MOXD1: variants seen among roughly 807,000 people sequenced by gnomAD.
MOXD1 encodes DBH-like monooxygenase protein 1.
MOXD1 carries 62 observed loss-of-function variants against 66.6 expected under a neutral mutation model. The ratio of observed to expected loss-of-function variants is 0.93; its 90% CI spans 0.76 to 1.15. MOXD1 has a LOEUF of 1.15. Ranked by LOEUF, MOXD1 falls within the 50% of genes most tolerant of loss-of-function variation. The pLI is 0.00. For missense variants in MOXD1, 847 were observed against 754.6 expected, an observed-to-expected ratio of 1.12 and a Z score of -1.44; for synonymous variants, 303 against 281.9, an observed-to-expected ratio of 1.07 and a Z score of -0.75.
chr6:132,359,133 T>G (rs1775963518), intron 4 of MOXD1, among the ~76,000 whole-genome samples: 1 of 146,514 alleles, frequency 6.8e-6, no homozygotes, highest in Non-Finnish European at 1.5e-5. Flanking sequence ...TTTTTTTTTT[T>G]TTCTGAGGCA....
rs931901575 is a variant in MOXD1, at chr6:132,397,644, A to G, written c.264+3519T>C. 5.1e-4 allele frequency among the ~76,000 whole-genome samples: 34 copies of G among 66,202 alleles called. No homozygotes were observed. In the Admixed American group the frequency reaches 6.1e-3, roughly 12 times the overall value. 43.4% of individuals were successfully genotyped at this position (66,202 alleles called of 152,430 possible). ...AGAGAGAGAGAGAGAGACAGAAAGA[A>G]AGAAAGAAAGAAAGAAAGAAAGAAA... is the stretch of plus-strand genomic sequence containing the variant. On this transcript the variant is annotated intron_variant, in intron 1 of 11. Coordinates refer to ENST00000367963, the MANE Select transcript of MOXD1 (RefSeq NM_015529.4).
chr6:132,324,974 CACACACACACACAT>C (rs1286752507), intron 6 of MOXD1: 1 of 147,864 alleles, frequency 6.8e-6, no homozygotes, highest in African/African-American at 2.6e-5. Flanking sequence ...CACACACACA[CACACACACACACAT>C]ACTTAGAAGA....
chr6:132,333,371 T>C (rs1397874795), intron 4 of MOXD1, among the ~76,000 whole-genome samples: 1 of 92,722 alleles, frequency 1.1e-5, no homozygotes, highest in Admixed American at 1.0e-4. Flanking sequence ...GACCCTGTAA[T>C]GTATCAGAGT....
In MOXD1 at chr6:132,372,608, C is replaced by A; in HGVS notation, c.663G>T (p.Lys221Asn). ...TTTAGCCTATGAATGAGTCACATAC[C>A]TTTATTACATGATGCTTTTCTTGGA... ...PVFQEKHHVI[K>N]VEPVIQRGHE... is the part of the protein sequence containing the mutation. The change falls in exon 4 of 12, where the codon AAG (lysine) becomes AAT (asparagine). Residue 221 changes from lysine to asparagine, a missense_variant and splice_region_variant. Transcript: ENST00000367963. 6.2e-7 allele frequency: 1 copy of A among 1,609,704 alleles called. No homozygotes were observed. Among genetic ancestry groups the A allele is most frequent in the Non-Finnish European group, 8.5e-7 (1 of 1,176,160 alleles).
intron 4 of MOXD1, among the ~76,000 whole-genome samples, chr6:132,365,267 A>G (rs896191818): frequency 2.6e-5 from 4 of 152,164 alleles, no homozygotes; most frequent in African/African-American, 4.8e-5. Flanking sequence ...GGCATGCTCT[A>G]GAAAGGACTA....
At chr6:132,369,851 T>C (rs1776229326) in intron 4 of MOXD1, among the ~76,000 whole-genome samples, 1 of 152,118 alleles carries the variant, frequency 6.6e-6, no homozygotes, top group African/African-American at 2.4e-5. Context: ...GAATCTTCCA[T>C]TTAATATTTT....
At chr6:132,313,688 T>C (rs1318805980) in intron 10 of MOXD1, among the ~76,000 whole-genome samples, 1 of 151,744 alleles carries the variant, frequency 6.6e-6, no homozygotes, top group East Asian at 1.9e-4. Flanking sequence ...CCGAGGCGGG[T>C]GGATCACCTG....
At chr6:132,299,498 C>A (rs1457803533) in intron 10 of MOXD1, among the ~76,000 whole-genome samples, 1 of 152,018 alleles carries the variant, frequency 6.6e-6, no homozygotes, top group Admixed American at 6.6e-5. Context: ...CCTTCACCTG[C>A]CACTCCAAAA....
intron 4 of MOXD1, among the ~76,000 whole-genome samples, chr6:132,370,954 C>G (rs1776251889): frequency 6.6e-6 from 1 of 152,060 alleles, no homozygotes; most frequent in African/African-American, 2.4e-5. Flanking sequence ...ACACTGACCT[C>G]CCTGAAACAT....
intron 4 of MOXD1, among the ~76,000 whole-genome samples, chr6:132,346,226 A>C (rs761377990): frequency 2.6e-5 from 4 of 152,300 alleles, no homozygotes; most frequent in Admixed American, 1.3e-4. Flanking sequence ...TTACATATAA[A>C]AATAACCAAT....
At chr6:132,299,084 A>G (rs926008717) in intron 10 of MOXD1, among the ~76,000 whole-genome samples, 1 of 152,224 alleles carries the variant, frequency 6.6e-6, no homozygotes, top group Non-Finnish European at 1.5e-5. Flanking sequence ...ATGGAATACT[A>G]TGTAGCCACA....
Position 132,297,230 on chromosome 6 carries a change from G to A in MOXD1, c.1765C>T (p.Leu589=). ...LVCGTSSSSS[L]HRDFSINLLV... ...AAGTTGATGGAGAAATCTCTGTGCA[G>A]GGAAGAGGAAGAAGACGTGCCACAC... The change falls in exon 12 of 12, where the codon CTG becomes TTG. Residue 589 remains leucine, a synonymous_variant. Transcript: ENST00000367963. The A allele has an allele frequency of 6.2e-7, 1 of 1,613,646 alleles. No individual in the cohort carries two copies. Among genetic ancestry groups the A allele is most frequent in the African/African-American group, 1.3e-5 (1 of 75,016 alleles).
rs1378145764 is a variant in MOXD1 at position 132,321,881 on chromosome 6, C to G, written c.1305+798G>C. Among the ~76,000 whole-genome samples the G allele has an allele frequency of 6.6e-5, 10 of 152,268 alleles. No homozygotes were observed. The South Asian group carries it at 1.7e-3, about 25-fold the overall frequency. On this transcript the variant is annotated intron_variant, in intron 8 of 11. Coordinates refer to ENST00000367963, the MANE Select transcript of MOXD1 (RefSeq NM_015529.4). The stretch of plus-strand genomic sequence containing the variant: ...GGATAGCTATTAGTAAAAAGAAGAT[C>G]CCTTTCCTCTTTATCACTTTCTTCT...
At chr6:132,384,838 A>T (rs1378051171) in intron 1 of MOXD1, among the ~76,000 whole-genome samples, 2 of 152,186 alleles carry the variant, frequency 1.3e-5, no homozygotes, top group African/African-American at 4.8e-5. Context: ...CTTACATGCC[A>T]TTGTAGGGAG....
chr6:132,337,060 A>G (rs1775456459), intron 4 of MOXD1, among the ~76,000 whole-genome samples: 1 of 152,224 alleles, frequency 6.6e-6, no homozygotes, highest in South Asian at 2.1e-4. Flanking sequence ...GAGAGGTACC[A>G]GAGACAAGAT....
chr6:132,394,532 GAC>G (rs1435894019), intron 1 of MOXD1, among the ~76,000 whole-genome samples: 1 of 151,998 alleles, frequency 6.6e-6, no homozygotes, highest in Non-Finnish European at 1.5e-5. Flanking sequence ...AGCTCAGTAA[GAC>G]ACAACAGAAT....
chr6:132,310,496 G>T (rs1287993268), intron 10 of MOXD1, among the ~76,000 whole-genome samples: 1 of 152,078 alleles, frequency 6.6e-6, no homozygotes, highest in Non-Finnish European at 1.5e-5. Context: ...CCCATTCTTG[G>T]TATATACCCA....
chr6:132,334,607 C>T (rs1215580391), intron 4 of MOXD1, among the ~76,000 whole-genome samples: 2 of 152,182 alleles, frequency 1.3e-5, no homozygotes, highest in Non-Finnish European at 2.9e-5. Flanking sequence ...TTTGGTTTTG[C>T]TCTGCATTCT....
At chr6:132,398,653 T>C (rs905521768) in intron 1 of MOXD1, among the ~76,000 whole-genome samples, 6 of 152,082 alleles carry the variant, frequency 3.9e-5, no homozygotes, top group African/African-American at 1.4e-4. Flanking sequence ...AAGAATCCTA[T>C]TTATGGCCTG....
Sources: gnomAD v4.1 joint callset for allele counts (sites outside exome capture counted in the v4.1 genomes callset) on GRCh38, gnomAD v4.1.1 for gene constraint, MANE v1.5 for transcripts, NCBI Gene and HGNC (gene_info 2026-07-23, HGNC 2026-07-21) for gene names.